ANTXR2: variants seen among roughly 807,000 people sequenced by gnomAD.
The protein encoded by ANTXR2 is anthrax toxin receptor 2.
In ANTXR2, 44 loss-of-function variants were observed where a neutral mutation model predicts 73.7. The observed-to-expected ratio is 0.60, with a 90% CI of 0.47 to 0.77. The LOEUF (loss-of-function observed/expected upper bound fraction) is 0.77, where lower values mean the gene tolerates loss of function less well. Ranked by LOEUF, ANTXR2 falls within the 30% of genes least tolerant of loss-of-function variation. The pLI, the probability that ANTXR2 is intolerant of heterozygous loss-of-function variation, is 0.00. For missense variants in ANTXR2, 604 were observed against 592.5 expected, an observed-to-expected ratio of 1.02 and a Z score of -0.20; for synonymous variants, 217 against 205.9, an observed-to-expected ratio of 1.05 and a Z score of -0.46.
At chr4:80,024,016 C>T (rs1732299652) in intron 10 of ANTXR2, among the ~76,000 whole-genome samples, 1 of 152,146 alleles carries the variant, frequency 6.6e-6, no homozygotes, top group South Asian at 2.1e-4. Flanking sequence ...GTAGAAAGAC[C>T]AGTTAAGAAA....
At chr4:80,055,828 A>C (rs1264698423) in intron 4 of ANTXR2, 104 bp downstream of exon 4, 2 of 866,136 alleles carry the variant, frequency 2.3e-6, no homozygotes. Context: ...TAAAAACTTT[A>C]AGATAAATAT....
At chr4:79,984,943 T>C (rs1021716797) in intron 12 of ANTXR2, 80 bp from the exon 13 acceptor site, 6 of 1,136,688 alleles carry the variant, frequency 5.3e-6, no homozygotes, top group Non-Finnish European at 6.3e-6. Context: ...ATTTGATACA[T>C]AAAATACTGT....
chr4:80,012,177 G>A (rs981278600), intron 11 of ANTXR2, among the ~76,000 whole-genome samples: 1 of 152,072 alleles, frequency 6.6e-6, no homozygotes, highest in Non-Finnish European at 1.5e-5. Flanking sequence ...CCACAATTTT[G>A]TTTCATGAAT....
Position 79,953,253 on chromosome 4 carries a change from A to G in ANTXR2, c.1428+24368T>C, listed in dbSNP as rs565983371. ...ATATTAAGACTTTAAAAACCATTTC[A>G]GGATTGAATTTTTGTAAGATGATTT... On this transcript the variant is annotated intron_variant, in intron 16 of 16. Coordinates refer to ENST00000403729, the MANE Select transcript of ANTXR2 (RefSeq NM_058172.6). Among the ~76,000 whole-genome samples, 3 of 152,224 alleles carry G rather than the reference A, an allele frequency of 2.0e-5. No homozygotes were observed. In the East Asian group the frequency reaches 5.8e-4, roughly 29 times the overall value.
chr4:79,916,138 A>G (rs1346395946), intron 16 of ANTXR2, among the ~76,000 whole-genome samples: 2 of 152,020 alleles, frequency 1.3e-5, no homozygotes, highest in African/African-American at 4.8e-5. Flanking sequence ...GACTCTATAC[A>G]TATGGTTAAT....
In ANTXR2 at chr4:80,040,819, T is replaced by C. The variant is rs140069475; in HGVS notation, c.637-4787A>G. 7.2e-5 allele frequency among the ~76,000 whole-genome samples: 11 copies of C among 151,782 alleles called. 1 individual carries two copies. ...AACCTGATATCACCATGAAAAAGTATACTATCGAAGCATCTGTTCACCCAA... is the reference window on the plus strand; with the variant it reads ...AACCTGATATCACCATGAAAAAGTACACTATCGAAGCATCTGTTCACCCAA... On this transcript the variant is annotated intron_variant, in intron 7 of 16. Coordinates refer to ENST00000403729, the MANE Select transcript of ANTXR2 (RefSeq NM_058172.6).
At chr4:80,031,744 A>G in intron 9 of ANTXR2, 52 bp from the exon 10 acceptor site, 1 of 1,079,318 alleles carries the variant, frequency 9.3e-7, no homozygotes, top group Non-Finnish European at 1.3e-6. Context: ...CATCTCACAC[A>G]GTTTCATTAA....
chr4:79,931,259 A>C (rs79332572), intron 16 of ANTXR2, among the ~76,000 whole-genome samples: 1 of 152,172 alleles, frequency 6.6e-6, no homozygotes, highest in Non-Finnish European at 1.5e-5. Flanking sequence ...CTTCTTTTGC[A>C]TATCATTGCC....
chr4:80,003,074 G>GTATA (rs1731128617), intron 12 of ANTXR2, among the ~76,000 whole-genome samples: 1 of 151,544 alleles, frequency 6.6e-6, no homozygotes, highest in African/African-American at 2.4e-5. Flanking sequence ...TATACCCAAA[G>GTATA]GACTATAAAT....
intron 2 of ANTXR2, among the ~76,000 whole-genome samples, chr4:80,070,249 C>A (rs1249609581): frequency 6.6e-6 from 1 of 152,180 alleles, no homozygotes; most frequent in Non-Finnish European, 1.5e-5. Context: ...AAGTCAGTCT[C>A]TTCATTAGTC....
At chr4:79,998,810 CT>C (rs1019771672) in intron 12 of ANTXR2, among the ~76,000 whole-genome samples, 5 of 151,976 alleles carry the variant, frequency 3.3e-5, no homozygotes, top group African/African-American at 1.2e-4. Context: ...GAACTCTTCC[CT>C]TCATGGAACA....
chr4:80,050,973 T>A (rs978298324), intron 7 of ANTXR2, among the ~76,000 whole-genome samples: 1 of 151,636 alleles, frequency 6.6e-6, no homozygotes, highest in Non-Finnish European at 1.5e-5. Context: ...CCCGTCAATG[T>A]TTATCCCCCA....
intron 16 of ANTXR2, among the ~76,000 whole-genome samples, chr4:79,936,321 T>G (rs1383744462): frequency 1.3e-5 from 2 of 150,076 alleles, no homozygotes; most frequent in African/African-American, 2.5e-5. Context: ...TGTCTTATTT[T>G]CAGACCTCCT....
At chr4:79,982,226 ATTAAGT>A (rs1176657508) in intron 14 of ANTXR2, among the ~76,000 whole-genome samples, 1 of 152,176 alleles carries the variant, frequency 6.6e-6, no homozygotes, top group African/African-American at 2.4e-5. Flanking sequence ...TCAAAATGGC[ATTAAGT>A]TTATTATTCT....
chr4:80,070,992 T>C (rs1038738027), intron 2 of ANTXR2, among the ~76,000 whole-genome samples: 4 of 152,214 alleles, frequency 2.6e-5, no homozygotes, highest in African/African-American at 9.7e-5. Flanking sequence ...TTCATACCAG[T>C]AATGCTTTTT....
At chr4:79,964,388 CCAAA>C (rs549698798) in intron 16 of ANTXR2, among the ~76,000 whole-genome samples, 16 of 152,182 alleles carry the variant, frequency 1.1e-4, no homozygotes, top group East Asian at 3.8e-4. Flanking sequence ...GCTTTGAAAA[CCAAA>C]CAAACTCCTG....
intron 7 of ANTXR2, among the ~76,000 whole-genome samples, chr4:80,038,786 C>T (rs76275007): frequency 0.36 from 54,177 of 151,782 alleles, 12,055 homozygotes; most frequent in Non-Finnish European, 0.47. Flanking sequence ...ATTGGTATCA[C>T]AATCTAATGT....
chr4:79,993,327 GAGAGA>G (rs1273096671), intron 12 of ANTXR2, among the ~76,000 whole-genome samples: 1 of 151,718 alleles, frequency 6.6e-6, no homozygotes, highest in Non-Finnish European at 1.5e-5. Context: ...GGAAAAAAGG[GAGAGA>G]AGAGAGGAAG....
intron 12 of ANTXR2, among the ~76,000 whole-genome samples, chr4:79,985,114 C>G (rs1282420623): frequency 6.6e-6 from 1 of 151,646 alleles, no homozygotes; most frequent in South Asian, 2.1e-4. Flanking sequence ...TTTGGGAAGC[C>G]GAGGGGGGCG....
Sources: gnomAD v4.1 joint callset for allele counts (sites outside exome capture counted in the v4.1 genomes callset) on GRCh38, gnomAD v4.1.1 for gene constraint, MANE v1.5 for transcripts, NCBI Gene and HGNC (gene_info 2026-07-23, HGNC 2026-07-21) for gene names.